Variants in PPP2R3A observed in about 807,000 individuals in gnomAD.
The protein encoded by PPP2R3A is serine/threonine-protein phosphatase 2A regulatory subunit B'' subunit alpha.
PPP2R3A carries 80 observed loss-of-function variants against 106.9 expected under a neutral mutation model. The ratio of observed to expected loss-of-function variants is 0.75; its 90% CI spans 0.62 to 0.90. PPP2R3A has a LOEUF of 0.90. PPP2R3A is among the 40% of genes least tolerant of loss of function. PPP2R3A has a pLI of 0.00. For missense variants in PPP2R3A, 1,386 were observed against 1,350.4 expected, an observed-to-expected ratio of 1.03 and a Z score of -0.41; for synonymous variants, 483 against 468.3, an observed-to-expected ratio of 1.03 and a Z score of -0.41.
rs112582721 is a variant in PPP2R3A, at chr3:135,997,552, T to G, written c.-440-3507T>G. ...TCCAACCCAGATCTTTCTGCTGACC[T>G]CCAGGTTTTTGTGTTCACATTTCAT... is the stretch of plus-strand genomic sequence containing the variant. On this transcript the variant is annotated intron_variant, in intron 1 of 13. Transcript: ENST00000264977. Among the ~76,000 whole-genome samples, 13 of 152,274 alleles carry G rather than the reference T, an allele frequency of 8.5e-5. 1 individual carries two copies. The highest frequency in any genetic ancestry group is 2.9e-4 in the African/African-American group (12 of 41,562).
chr3:136,105,397 G>A (rs981494201), intron 12 of PPP2R3A, among the ~76,000 whole-genome samples: 2 of 152,188 alleles, frequency 1.3e-5, no homozygotes, highest in Non-Finnish European at 2.9e-5. Context: ...AAGCTAAGAC[G>A]GGAGGATCAC....
chr3:136,079,310 G>C, intron 7 of PPP2R3A: 1 of 307,666 alleles, frequency 3.3e-6, no homozygotes, highest in Non-Finnish European at 6.7e-6. Flanking sequence ...TAAAATGGCA[G>C]TAATTCCATA....
intron 1 of PPP2R3A, among the ~76,000 whole-genome samples, chr3:135,980,196 C>T (rs1248824970): frequency 6.6e-6 from 1 of 151,736 alleles, no homozygotes; most frequent in Non-Finnish European, 1.5e-5. Context: ...TTCAAAGTCC[C>T]CAGGACAGAA....
chr3:135,994,454 T>C lies in PPP2R3A; in HGVS notation c.-440-6605T>C, dbSNP rs114815201. ...GGGGTATGGAGACCTAACTATTCTC[T>C]TACAGACTTTCAAACAGTCCCCCTA... On this transcript the variant is annotated intron_variant, in intron 1 of 13. Transcript: ENST00000264977. Among the ~76,000 whole-genome samples, 883 of 152,280 alleles carry C rather than the reference T, an allele frequency of 5.8e-3. 8 individuals carry two copies. The highest frequency in any genetic ancestry group is 0.021 in the African/African-American group (854 of 41,554).
chr3:136,056,314 T>C (rs1238727874), intron 5 of PPP2R3A, among the ~76,000 whole-genome samples: 1 of 152,040 alleles, frequency 6.6e-6, no homozygotes, highest in African/African-American at 2.4e-5. Flanking sequence ...ATTAAGGAAA[T>C]GTGAATAAAG....
chr3:136,113,725 G>A (rs1380886336), intron 13 of PPP2R3A, among the ~76,000 whole-genome samples: 1 of 151,860 alleles, frequency 6.6e-6, no homozygotes, highest in Non-Finnish European at 1.5e-5. Context: ...AACCTGGGAA[G>A]TGAAGGTTGC....
intron 1 of PPP2R3A, among the ~76,000 whole-genome samples, chr3:135,977,660 C>T (rs1238369431): frequency 7.2e-6 from 1 of 138,294 alleles, no homozygotes; most frequent in Non-Finnish European, 1.6e-5. Context: ...TTATTAAATA[C>T]ATAAGTTGCA....
At position 136,002,646 on chromosome 3, in the gene PPP2R3A, A is replaced by G; in HGVS notation, c.1148A>G (p.Asn383Ser). ...STNSLYNLEV[N>S]DPRTLKAVQV... ...AATTCCTTATATAACTTAGAGGTAA[A>G]TGATCCTAGAACTCTAAAAGCTGTC... is the stretch of plus-strand genomic sequence containing the variant. The change falls in exon 2 of 14, where the codon AAT becomes AGT. Residue 383 changes from asparagine (N) to serine (S), a missense_variant. Physicochemically the swap from Asn to Ser is conservative, Grantham distance 46. Coordinates refer to ENST00000264977, the MANE Select transcript of PPP2R3A (RefSeq NM_002718.5). The G allele has an allele frequency of 6.2e-7, 1 of 1,613,670 alleles. No individual in the cohort carries two copies. The highest frequency in any genetic ancestry group is 8.5e-7 in the Non-Finnish European group (1 of 1,179,600).
At chr3:135,977,423 A>G (rs970662701) in intron 1 of PPP2R3A, among the ~76,000 whole-genome samples, 3 of 152,310 alleles carry the variant, frequency 2.0e-5, no homozygotes, top group Admixed American at 2.0e-4. Flanking sequence ...TACAGTCGTT[A>G]GAAGATATTG....
intron 12 of PPP2R3A, among the ~76,000 whole-genome samples, chr3:136,105,572 A>G (rs2107972631): frequency 6.6e-6 from 1 of 152,092 alleles, no homozygotes; most frequent in Admixed American, 6.5e-5. Flanking sequence ...CAGGAGAATC[A>G]CTTGAGCCCA....
At chr3:136,043,056 G>T (rs7643661) in intron 4 of PPP2R3A, among the ~76,000 whole-genome samples, 38,524 of 151,534 alleles carry the variant, frequency 0.25, 5,377 homozygotes, top group Non-Finnish European at 0.32. Context: ...TTGCTAACAG[G>T]TAATTATACA....
rs139998690 is a variant in PPP2R3A at position 136,086,017 on chromosome 3, C to T, written c.2789-1866C>T. Reference sequence around the variant, plus strand: ...TGGTAGCACATGCCTGTAGTCCCAGCTACTCAGGAGGCTGAGATGGGAGGA... The same window carrying T: ...TGGTAGCACATGCCTGTAGTCCCAGTTACTCAGGAGGCTGAGATGGGAGGA... On this transcript the variant is annotated intron_variant, in intron 8 of 13. Transcript: ENST00000264977. 6.3e-3 allele frequency among the ~76,000 whole-genome samples: 961 copies of T among 152,128 alleles called. 14 individuals are homozygous for T. Among genetic ancestry groups the T allele is most frequent in the African/African-American group, 0.022 (913 of 41,492 alleles).
At chr3:136,016,932 G>A (rs1934299198) in intron 2 of PPP2R3A, among the ~76,000 whole-genome samples, 1 of 152,122 alleles carries the variant, frequency 6.6e-6, no homozygotes, top group Non-Finnish European at 1.5e-5. Flanking sequence ...TATGCTTTAA[G>A]GAGGTTCTAT....
chr3:136,011,694 CAT>C (rs778423205), intron 2 of PPP2R3A, among the ~76,000 whole-genome samples: 1 of 152,076 alleles, frequency 6.6e-6, no homozygotes, highest in Non-Finnish European at 1.5e-5. Flanking sequence ...CTGGGAATTA[CAT>C]AGAGATCTTT....
chr3:136,041,250 G>GTTTTTTTTTTTTTTTTTTTTTTTTT lies in PPP2R3A; in HGVS notation c.2366+299_2366+300insTTTTTTTTTTTTTTTTTTTTTTTTT. On this transcript the variant is annotated intron_variant, in intron 4 of 13. Coordinates refer to ENST00000264977, the MANE Select transcript of PPP2R3A (RefSeq NM_002718.5). ...CTTGGTTTTTCTTGTTTTTTTTTTTGTTTTTTTTTTTGTTTTTTTTTTTTT... is the reference window on the plus strand; with the variant it reads ...CTTGGTTTTTCTTGTTTTTTTTTTTGTTTTTTTTTTTTTTTTTTTTTTTTTTTTTTTTTTTTGTTTTTTTTTTTTT... Among the ~76,000 whole-genome samples, 127 of 56,548 alleles carry GTTTTTTTTTTTTTTTTTTTTTTTTT rather than the reference G, an allele frequency of 2.2e-3. 19 individuals carry two copies. Among genetic ancestry groups the GTTTTTTTTTTTTTTTTTTTTTTTTT allele is most frequent in the African/African-American group, 3.0e-3 (51 of 16,874 alleles). The allele number at this position is 56,548 out of a possible 152,430, so 37.1% of individuals were successfully genotyped here.
chr3:136,064,579 T>C (rs1003770156), intron 5 of PPP2R3A, among the ~76,000 whole-genome samples: 12 of 152,116 alleles, frequency 7.9e-5, no homozygotes, highest in Non-Finnish European at 1.0e-4. Context: ...TTTCCATAAT[T>C]TTTGTGTAAA....
intron 13 of PPP2R3A, among the ~76,000 whole-genome samples, chr3:136,134,174 T>C (rs1367236172): frequency 6.6e-6 from 1 of 152,230 alleles, no homozygotes; most frequent in African/African-American, 2.4e-5. Flanking sequence ...TCTTCACTGC[T>C]GTCTCATAGA....
In PPP2R3A at chr3:136,001,360, A is replaced by G. The variant is rs1933614428; in HGVS notation, c.-139A>G. 1 of 746,350 alleles carries G rather than the reference A, an allele frequency of 1.3e-6. No individual in the cohort carries two copies. The highest frequency in any genetic ancestry group is 2.2e-6 in the Non-Finnish European group (1 of 464,436). The allele number at this position is 746,350 out of a possible 1,614,324, so 46.2% of individuals were successfully genotyped here. ...CCTCAAATATAAATGGTTTCCCTTC[A>G]TGGGAAAAGCCATTATATTTGGAAG... On this transcript the variant is annotated 5_prime_UTR_variant, in exon 2 of 14. An upstream start codon of the reference 5' UTR is lost. Transcript: ENST00000264977.
At chr3:136,013,180 G>GTGTATGTA (rs201268370) in intron 2 of PPP2R3A, among the ~76,000 whole-genome samples, 221 of 142,272 alleles carry the variant, frequency 1.6e-3, no homozygotes, top group East Asian at 5.0e-3. Flanking sequence ...GTGTGTGTGT[G>GTGTATGTA]TGTATGTATG....
Sources: gnomAD v4.1 joint callset for allele counts (sites outside exome capture counted in the v4.1 genomes callset) on GRCh38, gnomAD v4.1.1 for gene constraint, MANE v1.5 for transcripts, NCBI Gene and HGNC (gene_info 2026-07-23, HGNC 2026-07-21) for gene names.